ADGRV1: variants seen among roughly 807,000 people sequenced by gnomAD.
The protein encoded by ADGRV1 is adhesion G protein-coupled receptor V1.
A neutral mutation model predicts 596.2 loss-of-function variants in ADGRV1; 359 were observed. That is an observed-to-expected ratio of 0.60 (90% CI 0.55 to 0.66). The LOEUF is 0.66. Ranked by LOEUF, ADGRV1 falls within the 30% of genes least tolerant of loss-of-function variation. ADGRV1 has a pLI of 0.00. For missense variants in ADGRV1, 7,274 were observed against 7,575.6 expected, an observed-to-expected ratio of 0.96 and a Z score of 1.48; for synonymous variants, 2,681 against 2,679.2, an observed-to-expected ratio of 1.00 and a Z score of -0.02.
At position 90,854,152 on chromosome 5, in the gene ADGRV1, A is replaced by T. The variant is rs987490215; in HGVS notation, c.17545A>T (p.Ile5849Phe). The T allele has an allele frequency of 4.5e-6, 7 of 1,561,450 alleles. No individual in the cohort carries two copies. The highest frequency in any genetic ancestry group is 6.1e-6 in the Non-Finnish European group (7 of 1,151,058). The part of the protein sequence containing the change: ...LYRIYAAEPR[I>F]IPQTSLCLLW... ...CAGGATTTATGCTGCTGAGCCTAGA[A>T]TTATTCCTCAGACATCTCTGTGTCT... Residue 5849 changes from isoleucine to phenylalanine, a missense_variant, in exon 81 of 90, where the codon ATT becomes TTT. Ile to Phe is a conservative substitution (Grantham distance 21). Transcript: ENST00000405460.
At chr5:90,656,745 C>CT (rs948358413) in intron 20 of ADGRV1, among the ~76,000 whole-genome samples, 9 of 152,114 alleles carry the variant, frequency 5.9e-5, no homozygotes, top group South Asian at 2.1e-4. Flanking sequence ...ATTGCTTGTA[C>CT]TTTTTTTTCC....
At position 90,810,984 on chromosome 5, in the gene ADGRV1, G is replaced by A. The variant is rs749721432; in HGVS notation, c.15724G>A (p.Glu5242Lys). 6.2e-7 allele frequency: 1 copy of A among 1,613,980 alleles called. No individual in the cohort carries two copies. Among genetic ancestry groups the A allele is most frequent in the Non-Finnish European group, 8.5e-7 (1 of 1,179,886 alleles). Residue 5242 changes from glutamate to lysine, a missense_variant, in exon 74 of 90, where the codon GAA (glutamate) becomes AAA (lysine). Around this residue, in one of 5 missense-constraint regions of ADGRV1, gnomAD observed 1,874 missense variants for 1,970.2 expected, o/e 0.95. Coordinates refer to ENST00000405460, the MANE Select transcript of ADGRV1 (RefSeq NM_032119.4). ...EMKNGTFNTA[E>K]VLIRRTGGFT... ...GAAGAATGGCACATTCAACACTGCA[G>A]AAGTTCTTATCCGAAGAACTGGTGG... is the stretch of plus-strand genomic sequence containing the variant.
At position 90,925,473 on chromosome 5, in the gene ADGRV1, A is replaced by T. The variant is rs546883257; in HGVS notation, c.17857-39942A>T. On this transcript the variant is annotated intron_variant, in intron 83 of 89. Coordinates refer to ENST00000405460, the MANE Select transcript of ADGRV1 (RefSeq NM_032119.4). ...ATAAGAGTGCTTGTGATTTTTGTAC[A>T]TTGATTTTGTATCCTGAGAGTTTGC... is the stretch of plus-strand genomic sequence containing the variant. Among the ~76,000 whole-genome samples the T allele has an allele frequency of 3.9e-5, 6 of 152,268 alleles. No homozygotes were observed. In the East Asian group the frequency reaches 1.2e-3, roughly 29 times the overall value.
intron 1 of ADGRV1, among the ~76,000 whole-genome samples, chr5:90,586,913 G>A (rs1758827458): frequency 6.6e-6 from 1 of 152,086 alleles, no homozygotes; most frequent in African/African-American, 2.4e-5. Context: ...GAATTTTTCT[G>A]TAAGGAAAAA....
intron 50 of ADGRV1, 55 bp from the exon 51 acceptor site, chr5:90,744,991 G>T (rs1352300389): frequency 8.7e-6 from 11 of 1,262,798 alleles, no homozygotes; most frequent in Non-Finnish European, 2.3e-6. Context: ...TGCAGGGAGT[G>T]TGGGAGGTGA....
At chr5:90,598,247 T>C (rs1198483106) in intron 1 of ADGRV1, among the ~76,000 whole-genome samples, 2 of 152,222 alleles carry the variant, frequency 1.3e-5, no homozygotes. Flanking sequence ...GTGAGTACTT[T>C]TTGAATGCCA....
At chr5:90,645,128 G>A (rs560082904) in intron 15 of ADGRV1, among the ~76,000 whole-genome samples, 8 of 152,306 alleles carry the variant, frequency 5.3e-5, no homozygotes, top group African/African-American at 1.9e-4. Flanking sequence ...TTGGAGAGGC[G>A]AAGCCCTCGG....
At chr5:90,821,718 T>C (rs1456521776) in intron 75 of ADGRV1, among the ~76,000 whole-genome samples, 16 of 151,646 alleles carry the variant, frequency 1.1e-4, no homozygotes, top group African/African-American at 2.7e-4. Flanking sequence ...GCCTCCCAGT[T>C]AGGCTGCTTC....
At chr5:90,688,612 C>T (rs1746024026) in intron 29 of ADGRV1, among the ~76,000 whole-genome samples, 1 of 152,106 alleles carries the variant, frequency 6.6e-6, no homozygotes. Context: ...ACCTTGGCCT[C>T]CCAAAGTGCT....
intron 87 of ADGRV1, among the ~76,000 whole-genome samples, chr5:91,133,453 T>G (rs1794381965): frequency 6.6e-6 from 1 of 152,234 alleles, no homozygotes; most frequent in Admixed American, 6.5e-5. Context: ...TGTCCTAAGC[T>G]ACTCACTGCT....
rs891906816 is a variant in ADGRV1 at position 90,753,583 on chromosome 5, A to T, written c.11131A>T (p.Thr3711Ser). The change falls in exon 54 of 90, where the codon ACT (threonine) becomes TCT (serine). Residue 3711 changes from threonine to serine, a missense_variant. Transcript: ENST00000405460. The part of the protein sequence containing the change: ...IFPTSGVILF[T>S]EGQVLSTITL... Reference sequence around the variant, plus strand: ...TTCTTTAAAATTCTAGATTTTATTTACTGAAGGCCAGGTACTGTCAACAAT... The same window carrying T: ...TTCTTTAAAATTCTAGATTTTATTTTCTGAAGGCCAGGTACTGTCAACAAT... 9 of 1,595,730 alleles carry T rather than the reference A, an allele frequency of 5.6e-6. No homozygotes were observed. Among genetic ancestry groups the T allele is most frequent in the Admixed American group, 1.7e-5 (1 of 59,748 alleles).
At position 90,708,865 on chromosome 5, in the gene ADGRV1, T is replaced by G. The variant is rs567220999; in HGVS notation, c.8780T>G (p.Val2927Gly). The G allele has an allele frequency of 6.2e-7, 1 of 1,612,678 alleles. No individual in the cohort carries two copies. The highest frequency in any genetic ancestry group is 1.3e-5 in the African/African-American group (1 of 75,016). The change falls in exon 39 of 90, where the codon GTT (valine) becomes GGT (glycine). Residue 2927 changes from valine to glycine, a missense_variant. By Grantham distance (109) the Val-to-Gly change is moderately radical. This residue lies in a region of ADGRV1 where 3,643 missense variants were observed against 3,809.2 expected (regional missense o/e 0.96). Coordinates refer to ENST00000405460, the MANE Select transcript of ADGRV1 (RefSeq NM_032119.4). ...EEYFLVNLTYVGLTMAASTSF... is the reference protein window; with the variant it reads ...EEYFLVNLTYGGLTMAASTSF... ...TATTTCCTGGTGAATTTAACTTACG[T>G]TGGACTTACCATGGCTGCTTCAACT...
intron 85 of ADGRV1, among the ~76,000 whole-genome samples, chr5:91,068,369 T>G (rs1318362827): frequency 6.6e-6 from 1 of 151,444 alleles, no homozygotes; most frequent in Non-Finnish European, 1.5e-5. Flanking sequence ...CTCAGGAGGC[T>G]GAGGCAGGAG....
At chr5:91,050,734 C>T (rs1786244955) in intron 85 of ADGRV1, among the ~76,000 whole-genome samples, 1 of 152,042 alleles carries the variant, frequency 6.6e-6, no homozygotes, top group Non-Finnish European at 1.5e-5. Flanking sequence ...GTGGTGTGTG[C>T]CTGTGGTTCC....
rs747302299 is a variant in ADGRV1 at position 90,840,698 on chromosome 5, G to A, written c.16732G>A (p.Asp5578Asn). The A allele has an allele frequency of 4.3e-6, 7 of 1,614,008 alleles. No homozygotes were observed. In the Admixed American group the frequency reaches 1.2e-4, roughly 27 times the overall value. The change falls in exon 78 of 90, where the codon GAT (aspartate) becomes AAT (asparagine). Residue 5578 changes from aspartate (D) to asparagine (N), a missense_variant. By Grantham distance (23) the Asp-to-Asn change is conservative. Coordinates refer to ENST00000405460, the MANE Select transcript of ADGRV1 (RefSeq NM_032119.4). ...ACCTGGCCAGAGAAGCACTGTATTG[G>A]ATGTCATCCTAACGCCAGAGACAGG... ...FEPGQRSTVL[D>N]VILTPETGSL...
chr5:90,836,587 T>G (rs2150346959), intron 77 of ADGRV1, among the ~76,000 whole-genome samples: 1 of 152,226 alleles, frequency 6.6e-6, no homozygotes, highest in South Asian at 2.1e-4. Context: ...TGGGCTGGGG[T>G]GACACGAGTG....
chr5:90,838,797 A>T (rs546198526), intron 77 of ADGRV1, among the ~76,000 whole-genome samples: 1 of 152,296 alleles, frequency 6.6e-6, no homozygotes, highest in African/African-American at 2.4e-5. Flanking sequence ...CCAGATACTT[A>T]GGAGAATCTC....
chr5:90,875,749 G>A (rs1161483566), intron 83 of ADGRV1, among the ~76,000 whole-genome samples: 2 of 152,316 alleles, frequency 1.3e-5, no homozygotes, highest in African/African-American at 4.8e-5. Flanking sequence ...TTATTAAGAA[G>A]CAGGTTTGGA....
At chr5:90,701,053 C>T (rs2149675257) in intron 34 of ADGRV1, among the ~76,000 whole-genome samples, 1 of 152,178 alleles carries the variant, frequency 6.6e-6, no homozygotes, top group South Asian at 2.1e-4. Flanking sequence ...CACCATGTAA[C>T]AGATCTGCTT....
Sources: allele counts gnomAD v4.1 joint callset (sites outside exome capture counted in the v4.1 genomes callset), GRCh38; gene constraint gnomAD v4.1.1; regional missense constraint gnomAD v4.1.1; transcripts MANE v1.5; gene names NCBI Gene and HGNC (gene_info 2026-07-23, HGNC 2026-07-21).